The following FAM13A variants were observed in gnomAD, a reference collection of about 807,000 sequenced individuals.
The protein encoded by FAM13A is protein FAM13A.
In FAM13A, 76 loss-of-function variants were observed where a neutral mutation model predicts 129.6. The observed-to-expected ratio is 0.59, with a 90% CI of 0.49 to 0.71. The LOEUF is 0.71. Among genes scored for constraint, FAM13A ranks in the 30% least tolerant of loss-of-function variants. The pLI, the probability that FAM13A is intolerant of heterozygous loss-of-function variation, is 0.00. For synonymous variants in FAM13A, 443 were observed against 449.9 expected (o/e 0.98, Z 0.20); for missense variants, 1,108 against 1,249.3 (o/e 0.89, Z 1.70).
chr4:88,904,140 G>C (rs1196166903), intron 6 of FAM13A, among the ~76,000 whole-genome samples: 1 of 152,078 alleles, frequency 6.6e-6, no homozygotes, highest in Non-Finnish European at 1.5e-5. Context: ...AGGTTGCAGA[G>C]AAAAAGAAAT....
chr4:88,777,500 G>C (rs1722002442), intron 11 of FAM13A, among the ~76,000 whole-genome samples: 1 of 152,160 alleles, frequency 6.6e-6, no homozygotes, highest in African/African-American at 2.4e-5. Flanking sequence ...AATAATTCGA[G>C]ATAAGGCAGT....
At position 88,747,044 on chromosome 4, in the gene FAM13A, AAG is replaced by A. The variant is rs369443972; in HGVS notation, c.2383-31_2383-30del. The A allele has an allele frequency of 2.0e-4, 285 of 1,448,154 alleles. 5 individuals carry two copies. The South Asian group carries it at 3.1e-3, about 16-fold the overall frequency. The allele number at this position is 1,448,154 out of a possible 1,614,324, so 89.7% of individuals were successfully genotyped here. ...TATAAACACAGGGATAGAGAATTGA[AAG>A]AGAGGAAAATGTGTGTGAACATTCC... On this transcript the variant is annotated intron_variant, in intron 18 of 23. Coordinates refer to ENST00000264344, the MANE Select transcript of FAM13A (RefSeq NM_014883.4).
intron 4 of FAM13A, among the ~76,000 whole-genome samples, chr4:88,961,433 T>C (rs938939158): frequency 3.7e-5 from 5 of 136,104 alleles, no homozygotes; most frequent in African/African-American, 1.4e-4. Flanking sequence ...AATGGCATGA[T>C]CTCAGTTCAT....
chr4:89,037,042 G>A (rs1028575590), intron 1 of FAM13A, among the ~76,000 whole-genome samples: 5 of 152,222 alleles, frequency 3.3e-5, no homozygotes, highest in Non-Finnish European at 4.4e-5. Context: ...GGGGAAATGT[G>A]AGATTGGAGC....
At chr4:89,001,870 C>G (rs1764296504) in intron 3 of FAM13A, among the ~76,000 whole-genome samples, 1 of 152,060 alleles carries the variant, frequency 6.6e-6, no homozygotes, top group Non-Finnish European at 1.5e-5. Flanking sequence ...AGCCACTGTG[C>G]TGATTAAAAT....
rs372761398 is a variant in FAM13A, at chr4:88,870,485, C to G, written c.844-19302G>C. ...AATGGCACACCAGGAGATTATACCC[C>G]GCGCCTGGCTTGGGGGGGGTCCCGC... On this transcript the variant is annotated intron_variant, in intron 6 of 23. Transcript: ENST00000264344. 2.0e-5 allele frequency among the ~76,000 whole-genome samples: 3 copies of G among 152,316 alleles called. No homozygotes were observed. In the South Asian group the frequency reaches 6.2e-4, roughly 32 times the overall value.
intron 7 of FAM13A, among the ~76,000 whole-genome samples, chr4:88,836,858 G>A (rs996659232): frequency 7.2e-5 from 11 of 151,916 alleles, no homozygotes; most frequent in African/African-American, 2.7e-4. Flanking sequence ...TATTTGGGAG[G>A]CTGAGGCAGG....
chr4:89,053,547 T>C (rs1054268515), intron 1 of FAM13A, among the ~76,000 whole-genome samples: 1 of 152,096 alleles, frequency 6.6e-6, no homozygotes, highest in Non-Finnish European at 1.5e-5. Context: ...ATGGGATACA[T>C]GGAAGGTAGT....
chr4:88,734,202 G>C (rs1738488160), intron 21 of FAM13A, among the ~76,000 whole-genome samples: 1 of 152,098 alleles, frequency 6.6e-6, no homozygotes, highest in East Asian at 1.9e-4. Context: ...TGTAGTATTT[G>C]GATTTCAATA....
intron 3 of FAM13A, among the ~76,000 whole-genome samples, chr4:89,013,815 T>A (rs1005704838): frequency 6.6e-6 from 1 of 152,232 alleles, no homozygotes; most frequent in African/African-American, 2.4e-5. Context: ...AAGGTCATTT[T>A]GTTCTAACGC....
At chr4:88,921,911 A>T (rs1329067346) in intron 5 of FAM13A, among the ~76,000 whole-genome samples, 2 of 152,122 alleles carry the variant, frequency 1.3e-5, no homozygotes, top group East Asian at 3.8e-4. Context: ...CTAGTCTCTG[A>T]TAAAACAGAC....
intron 7 of FAM13A, among the ~76,000 whole-genome samples, chr4:88,845,899 T>C (rs982333624): frequency 6.6e-6 from 1 of 152,230 alleles, no homozygotes; most frequent in Admixed American, 6.5e-5. Flanking sequence ...AGATTTATTT[T>C]TAATATACAT....
rs77378266 is a variant in FAM13A, at chr4:89,007,573, C to T, written c.427+12887G>A. On this transcript the variant is annotated intron_variant, in intron 3 of 23. Transcript: ENST00000264344. ...CCCAGGTAAACCACACTTGAATTCT[C>T]GACCCACAGAAACTGTGAGAGAAGA... 6.1e-3 allele frequency among the ~76,000 whole-genome samples: 924 copies of T among 152,268 alleles called. 11 individuals carry two copies. Among genetic ancestry groups the T allele is most frequent in the African/African-American group, 0.021 (883 of 41,554 alleles).
intron 11 of FAM13A, among the ~76,000 whole-genome samples, chr4:88,768,880 A>G (rs183818853): frequency 4.9e-4 from 74 of 152,290 alleles, no homozygotes; most frequent in Middle Eastern, 3.4e-3. Context: ...TGCTTTCTAA[A>G]TATCATTCAG....
intron 1 of FAM13A, among the ~76,000 whole-genome samples, chr4:89,041,957 A>C (rs766986494): frequency 5.3e-5 from 8 of 151,798 alleles, no homozygotes; most frequent in Non-Finnish European, 1.2e-4. Flanking sequence ...CAGAGTTTGC[A>C]GTTGCCTGTT....
chr4:89,029,286 T>C (rs1047946226), intron 2 of FAM13A, among the ~76,000 whole-genome samples, 174 bp downstream of exon 2: 1 of 152,248 alleles, frequency 6.6e-6, no homozygotes, highest in African/African-American at 2.4e-5. Flanking sequence ...GTCAAGATCA[T>C]GTTAAGCAGT....
intron 6 of FAM13A, among the ~76,000 whole-genome samples, chr4:88,863,354 G>T (rs77366077): frequency 0.015 from 2,284 of 152,198 alleles, 77 homozygotes; most frequent in African/African-American, 0.051. Context: ...TGCGAGGGTG[G>T]TGTGCCCAGA....
chr4:88,975,784 T>A (rs1475546846), intron 4 of FAM13A, among the ~76,000 whole-genome samples: 1 of 152,200 alleles, frequency 6.6e-6, no homozygotes, highest in African/African-American at 2.4e-5. Context: ...AATGATACAA[T>A]GAAGGTCATT....
chr4:88,773,567 T>C (rs182076732), intron 11 of FAM13A, among the ~76,000 whole-genome samples: 1 of 152,274 alleles, frequency 6.6e-6, no homozygotes, highest in Admixed American at 6.5e-5. Flanking sequence ...TCTTAGTCCC[T>C]TGTGGTGCTC....
Sources: gnomAD v4.1 joint callset for allele counts (sites outside exome capture counted in the v4.1 genomes callset) on GRCh38, gnomAD v4.1.1 for gene constraint, MANE v1.5 for transcripts, NCBI Gene and HGNC (gene_info 2026-07-23, HGNC 2026-07-21) for gene names.